SVEP1: variants seen among roughly 807,000 people sequenced by gnomAD.
SVEP1 encodes sushi, von Willebrand factor type A, EGF and pentraxin domain-containing protein 1.
Under a neutral mutation model 367.3 loss-of-function variants are expected in SVEP1, and 164 were observed. That is an observed-to-expected ratio of 0.45 (90% CI 0.39 to 0.51). SVEP1 has a LOEUF of 0.51. Among genes scored for constraint, SVEP1 ranks in the 20% least tolerant of loss-of-function variants. SVEP1 has a pLI of 0.00. For synonymous variants in SVEP1, 1,666 were observed against 1,611.6 expected (o/e 1.03, Z -0.81); for missense variants, 4,117 against 4,425.3 (o/e 0.93, Z 1.98).
At chr9:110,558,756 T>A (rs751135877) in intron 1 of SVEP1, among the ~76,000 whole-genome samples, 9 of 152,046 alleles carry the variant, frequency 5.9e-5, no homozygotes, top group Non-Finnish European at 1.3e-4. Flanking sequence ...ATTGATAAAG[T>A]TTAGTACAAA....
chr9:110,446,568 C>T (rs1186513449), intron 25 of SVEP1, among the ~76,000 whole-genome samples: 1 of 151,730 alleles, frequency 6.6e-6, no homozygotes, highest in Non-Finnish European at 1.5e-5. Flanking sequence ...TCTGCTGATT[C>T]TCAAACATGT....
chr9:110,400,888 A>G lies in SVEP1; in HGVS notation c.9788T>C (p.Ile3263Thr). 1 of 1,613,810 alleles carries G rather than the reference A, an allele frequency of 6.2e-7. No homozygotes were observed. Among genetic ancestry groups the G allele is most frequent in the Non-Finnish European group, 8.5e-7 (1 of 1,179,818 alleles). ...ATAGCCAGGCTCACACTGATAAATA[A>G]TTGTGCTTTCAAAGGTGTATTTACT... ...VGSKYTFEST[I>T]IYQCEPGYEL... The change falls in exon 40 of 48, where the codon ATT (isoleucine) becomes ACT (threonine). Residue 3263 changes from isoleucine to threonine, a missense_variant. Ile to Thr is a moderately conservative substitution (Grantham distance 89). Transcript: ENST00000374469.
At chr9:110,430,071 G>C (rs1236306349) in intron 33 of SVEP1, 67 bp from the exon 34 acceptor site, 2 of 1,510,758 alleles carry the variant, frequency 1.3e-6, no homozygotes, top group Non-Finnish European at 1.8e-6. Flanking sequence ...GAAATTTCAA[G>C]GGGCAGCTCA....
intron 3 of SVEP1, among the ~76,000 whole-genome samples, chr9:110,525,050 T>C (rs1472118263): frequency 2.0e-5 from 3 of 152,076 alleles, no homozygotes; most frequent in East Asian, 1.9e-4. Flanking sequence ...CCCCTTATGA[T>C]TGGAAATAAA....
At chr9:110,532,956 G>T (rs1830038968) in intron 3 of SVEP1, among the ~76,000 whole-genome samples, 2 of 152,100 alleles carry the variant, frequency 1.3e-5, no homozygotes, top group South Asian at 4.1e-4. Context: ...ACTGACTAGG[G>T]TACGGGATGG....
In SVEP1 at chr9:110,482,314, A is replaced by G. The variant is rs112298433; in HGVS notation, c.2170+47T>C. The G allele has an allele frequency of 3.4e-4, 537 of 1,589,214 alleles. No homozygotes were observed. The African/African-American group carries it at 6.5e-3, about 19-fold the overall frequency. ...TAAAACAGAGCACTATAGCAATGAC[A>G]TGTGTCAAATGTCAACTAGAATTCT... On this transcript the variant is annotated intron_variant, in intron 11 of 47. Transcript: ENST00000374469.
intron 40 of SVEP1, among the ~76,000 whole-genome samples, chr9:110,398,141 G>A (rs1475613165): frequency 6.6e-6 from 1 of 151,994 alleles, no homozygotes; most frequent in Non-Finnish European, 1.5e-5. Context: ...TACCAAAACA[G>A]AGATATAGAC....
intron 19 of SVEP1, 107 bp downstream of exon 19, chr9:110,458,845 T>C (rs1782486248): frequency 1.5e-6 from 2 of 1,378,602 alleles, no homozygotes; most frequent in Non-Finnish European, 2.0e-6. Flanking sequence ...CAACTCCAGA[T>C]GCCCAAATCC....
intron 3 of SVEP1, among the ~76,000 whole-genome samples, chr9:110,529,376 A>T (rs1473075871): frequency 6.6e-6 from 1 of 151,932 alleles, no homozygotes; most frequent in East Asian, 1.9e-4. Flanking sequence ...GAATTTTAAG[A>T]TTCTTTTTTT....
At chr9:110,490,053 T>G (rs1028787411) in intron 8 of SVEP1, among the ~76,000 whole-genome samples, 4 of 152,234 alleles carry the variant, frequency 2.6e-5, no homozygotes, top group Non-Finnish European at 5.9e-5. Context: ...TTAAGATGAC[T>G]CTTAAATGTT....
chr9:110,513,882 CA>C, intron 4 of SVEP1, 65 bp downstream of exon 4: 1 of 1,507,902 alleles, frequency 6.6e-7, no homozygotes, highest in Non-Finnish European at 9.0e-7. Context: ...GGTGCAAACA[CA>C]AGCACTATTT....
At chr9:110,399,207 A>T (rs1827818537) in intron 40 of SVEP1, among the ~76,000 whole-genome samples, 1 of 152,188 alleles carries the variant, frequency 6.6e-6, no homozygotes, top group African/African-American at 2.4e-5. Flanking sequence ...GACATGGATG[A>T]AACTAGAAAC....
chr9:110,472,939 G>C (rs187413997), intron 14 of SVEP1, among the ~76,000 whole-genome samples: 2 of 152,080 alleles, frequency 1.3e-5, no homozygotes, highest in African/African-American at 4.8e-5. Flanking sequence ...GTGGCTTCTC[G>C]ATGTAGGCTG....
intron 3 of SVEP1, among the ~76,000 whole-genome samples, chr9:110,515,205 C>T (rs1829783938): frequency 6.6e-6 from 1 of 151,870 alleles, no homozygotes; most frequent in Admixed American, 6.6e-5. Flanking sequence ...ACTTGCAATG[C>T]TCAGTTAAGC....
At chr9:110,487,556 T>C (rs529976343) in intron 9 of SVEP1, among the ~76,000 whole-genome samples, 5 of 152,346 alleles carry the variant, frequency 3.3e-5, no homozygotes, top group African/African-American at 1.2e-4. Flanking sequence ...CTGTAATGTA[T>C]AGGGTAAGGA....
rs72748878 is a variant in SVEP1 at position 110,503,525 on chromosome 9, G to A, written c.1304-308C>T. Among the ~76,000 whole-genome samples the A allele has an allele frequency of 5.7e-3, 865 of 152,304 alleles. 8 individuals are homozygous for A. The highest frequency in any genetic ancestry group is 8.4e-3 in the Non-Finnish European group (574 of 68,032). On this transcript the variant is annotated intron_variant, in intron 5 of 47. Coordinates refer to ENST00000374469, the MANE Select transcript of SVEP1 (RefSeq NM_153366.4). ...CTGTAGATTAGAGGTGATCACAAAA[G>A]GGAGGTACCTGATGCTCTCAGCTGG... is the stretch of plus-strand genomic sequence containing the variant.
rs190643118 is a variant in SVEP1, at chr9:110,399,663, C to T, written c.9822+1191G>A. On this transcript the variant is annotated intron_variant, in intron 40 of 47. Coordinates refer to ENST00000374469, the MANE Select transcript of SVEP1 (RefSeq NM_153366.4). Reference sequence around the variant, plus strand: ...ATCCTCCTCCCTCAGCCTCCTGAGTCGCTGGGACTACAGGCACATTCCATC... The same window carrying T: ...ATCCTCCTCCCTCAGCCTCCTGAGTTGCTGGGACTACAGGCACATTCCATC... Among the ~76,000 whole-genome samples the T allele has an allele frequency of 4.7e-3, 719 of 151,994 alleles. 3 individuals carry two copies. The highest frequency in any genetic ancestry group is 0.016 in the African/African-American group (671 of 41,448).
At chr9:110,404,853 C>T (rs1827931904) in intron 38 of SVEP1, among the ~76,000 whole-genome samples, 1 of 151,936 alleles carries the variant, frequency 6.6e-6, no homozygotes, top group Admixed American at 6.6e-5. Flanking sequence ...AGTGAGACTT[C>T]ATCTCTATAA....
chr9:110,538,874 G>C (rs1400088526), intron 3 of SVEP1, among the ~76,000 whole-genome samples: 1 of 152,048 alleles, frequency 6.6e-6, no homozygotes, highest in Non-Finnish European at 1.5e-5. Flanking sequence ...AATGTGATTT[G>C]ATGATCTATC....
Sources: gnomAD v4.1 joint callset for allele counts (sites outside exome capture counted in the v4.1 genomes callset) on GRCh38, gnomAD v4.1.1 for gene constraint, MANE v1.5 for transcripts, NCBI Gene and HGNC (gene_info 2026-07-23, HGNC 2026-07-21) for gene names.